Variants in MMRN2 observed in about 807,000 individuals in gnomAD.
The protein encoded by MMRN2 is multimerin-2.
Under a neutral mutation model 68.8 loss-of-function variants are expected in MMRN2, and 53 were observed. The ratio of observed to expected loss-of-function variants is 0.77; its 90% CI spans 0.62 to 0.97. The LOEUF is 0.97. Ranked by LOEUF, MMRN2 falls within the 50% of genes least tolerant of loss-of-function variation. MMRN2 has a pLI of 0.00. For synonymous variants in MMRN2, 564 were observed against 551.6 expected (o/e 1.02, Z -0.32); for missense variants, 1,266 against 1,259.5 (o/e 1.01, Z -0.08).
intron 1 of MMRN2, chr10:86,945,926 A>G: frequency 1.7e-6 from 2 of 1,179,780 alleles, no homozygotes; most frequent in Non-Finnish European, 2.3e-6. Flanking sequence ...TCCCCGAGCC[A>G]GCAGAGAGGC....
chr10:86,939,814 T>G lies in MMRN2; in HGVS notation c.2467+2503A>C, dbSNP rs1162996660. Among the ~76,000 whole-genome samples, 5 of 139,348 alleles carry G rather than the reference T, an allele frequency of 3.6e-5. No individual in the cohort carries two copies. In the East Asian group the frequency reaches 8.7e-4, roughly 24 times the overall value. 91.4% of individuals were successfully genotyped at this position (139,348 alleles called of 152,430 possible). A position where few individuals can be genotyped will look rare whatever the true frequency, so the allele number is the denominator to read the frequency against. ...AATAAAGGGAAATTTGGGGTGTGTGTGTGTGTGTGTGTGTGTGTGTGTGTT... is the reference window on the plus strand; with the variant it reads ...AATAAAGGGAAATTTGGGGTGTGTGGGTGTGTGTGTGTGTGTGTGTGTGTT... On this transcript the variant is annotated intron_variant, in intron 6 of 6. Transcript: ENST00000372027.
At position 86,955,392 on chromosome 10, in the gene MMRN2, C is replaced by T. The variant is rs549211316; in HGVS notation, c.164+1986G>A. On this transcript the variant is annotated intron_variant, in intron 1 of 6. Coordinates refer to ENST00000372027, the MANE Select transcript of MMRN2 (RefSeq NM_024756.3). ...CCCTGGCAACCTAAGAAGCAGTTAA[C>T]CCCTTCGCTTCTCCACCTCAGGGAA... is the stretch of plus-strand genomic sequence containing the variant. Among the ~76,000 whole-genome samples, 63 of 152,334 alleles carry T rather than the reference C, an allele frequency of 4.1e-4. 1 individual carries two copies. The South Asian group carries it at 7.7e-3, about 19-fold the overall frequency.
Position 86,936,859 on chromosome 10 carries a change from C to A in MMRN2, c.2734G>T (p.Ala912Ser). 1 of 1,614,218 alleles carries A rather than the reference C, an allele frequency of 6.2e-7. No individual in the cohort carries two copies. Among genetic ancestry groups the A allele is most frequent in the Non-Finnish European group, 8.5e-7 (1 of 1,180,042 alleles). ...QGSGSTATVF[A>S]MAELQKGERV... ...TCACCCTTCTGCAGCTCAGCCATGG[C>A]AAAGACCGTTGCTGTGCTTCCACTC... is the stretch of plus-strand genomic sequence containing the variant. Residue 912 changes from alanine (A) to serine (S), a missense_variant, in exon 7 of 7, where the codon GCC (alanine) becomes TCC (serine). Physicochemically the swap from Ala to Ser is moderately conservative, Grantham distance 99. Coordinates refer to ENST00000372027, the MANE Select transcript of MMRN2 (RefSeq NM_024756.3).
chr10:86,957,304 G>A (rs1411547481), intron 1 of MMRN2, 74 bp downstream of exon 1: 2 of 1,507,892 alleles, frequency 1.3e-6, no homozygotes, highest in Non-Finnish European at 1.8e-6. Context: ...GTGAGGTCTA[G>A]AGAGGCTCTG....
chr10:86,947,670 C>T (rs930455976), intron 1 of MMRN2, among the ~76,000 whole-genome samples: 1 of 152,048 alleles, frequency 6.6e-6, no homozygotes, highest in African/African-American at 2.4e-5. Flanking sequence ...TGTACCCAGC[C>T]GAGTGACCAT....
In MMRN2 at chr10:86,943,180, G is replaced by A. The variant is rs2133678684; in HGVS notation, c.1604C>T (p.Ala535Val). The A allele has an allele frequency of 2.5e-6, 4 of 1,607,978 alleles. No individual in the cohort carries two copies. Among genetic ancestry groups the A allele is most frequent in the African/African-American group, 2.7e-5 (2 of 74,978 alleles). The change falls in exon 6 of 7, where the codon GCC becomes GTC. Residue 535 changes from alanine (A) to valine (V), a missense_variant. Physicochemically the swap from Ala to Val is moderately conservative, Grantham distance 64. Transcript: ENST00000372027. The surrounding 1 kb of genome is among the most constrained non-coding windows in gnomAD (Gnocchi z 4.2). ...CACGGCGTCCACGGCGTTCTGCAGGGCCTGCAGGGAGGAGCCGTCCAGCTG... is the reference window on the plus strand; with the variant it reads ...CACGGCGTCCACGGCGTTCTGCAGGACCTGCAGGGAGGAGCCGTCCAGCTG... Reference protein sequence around the residue: ...RRQLDGSSLQALQNAVDAVSL... With the variant: ...RRQLDGSSLQVLQNAVDAVSL...
chr10:86,948,919 G>A (rs565608847), intron 1 of MMRN2: 4 of 152,286 alleles, frequency 2.6e-5, no homozygotes, highest in African/African-American at 9.6e-5. Flanking sequence ...TTGCGCCACT[G>A]GACTCCAGCC....
chr10:86,943,111 C>T lies in MMRN2; in HGVS notation c.1673G>A (p.Arg558Gln), dbSNP rs899823811. 2.1e-5 allele frequency: 32 copies of T among 1,494,656 alleles called. No individual in the cohort carries two copies. The highest frequency in any genetic ancestry group is 2.7e-5 in the Non-Finnish European group (30 of 1,129,786). The allele number at this position is 1,494,656 out of a possible 1,614,324, so 92.6% of individuals were successfully genotyped here. A position where few individuals can be genotyped will look rare whatever the true frequency, so the allele number is the denominator to read the frequency against. Residue 558 changes from arginine (R) to glutamine (Q), a missense_variant, in exon 6 of 7, where the codon CGG (arginine) becomes CAG (glutamine). By Grantham distance (43) the Arg-to-Gln change is conservative (BLOSUM62 1). Transcript: ENST00000372027. This position sits in a 1 kb window ranked among gnomAD's most constrained non-coding sequence, Gnocchi z 4.2. ...DAHKAEGERA[R>Q]AATSRLRSQV... ...GCTCCGGAGCCGCGACGTGGCCGCC[C>T]GCGCCCGCTCGCCCTCCGCTTTGTG...
chr10:86,952,970 T>C (rs562520719), intron 1 of MMRN2, among the ~76,000 whole-genome samples: 2 of 152,282 alleles, frequency 1.3e-5, no homozygotes, highest in African/African-American at 4.8e-5. Context: ...TAATATTATA[T>C]TCCTTGCTAG....
chr10:86,955,146 G>A (rs1422027996), intron 1 of MMRN2, among the ~76,000 whole-genome samples: 4 of 152,136 alleles, frequency 2.6e-5, no homozygotes, highest in African/African-American at 7.2e-5. Flanking sequence ...CCTGGGAGGC[G>A]TCCCCACCCC....
At chr10:86,945,710 G>A (rs1589303636) in intron 1 of MMRN2, 21 bp from the exon 2 acceptor site, 1 of 1,613,740 alleles carries the variant, frequency 6.2e-7, no homozygotes, top group African/African-American at 1.3e-5. Context: ...AGCCAGAGGA[G>A]AAGGCTGCTG....
intron 1 of MMRN2, chr10:86,949,409 C>A (rs1844113703): frequency 1.3e-5 from 2 of 151,828 alleles, no homozygotes; most frequent in Admixed American, 1.3e-4. Flanking sequence ...TCAACACCAT[C>A]ATGCAAGCCA....
At chr10:86,957,270 G>T in intron 1 of MMRN2, 108 bp downstream of exon 1, 1 of 1,149,188 alleles carries the variant, frequency 8.7e-7, no homozygotes, top group Non-Finnish European at 1.3e-6. Context: ...GATACTATTA[G>T]CCCATTTCAC....
At position 86,943,438 on chromosome 10, in the gene MMRN2, A is replaced by T; in HGVS notation, c.1346T>A (p.Ile449Asn). ...CATGATCAGAGACTTCTCCATCAGG[A>T]TCACGCGCAGCTCACGGAGCGCCGT... ...NHTALRELRVILMEKSLIMEE... is the reference protein window; with the variant it reads ...NHTALRELRVNLMEKSLIMEE... The change falls in exon 6 of 7, where the codon ATC becomes AAC. Residue 449 changes from isoleucine (I) to asparagine (N), a missense_variant. Ile to Asn is a moderately radical substitution (Grantham distance 149, BLOSUM62 -3). Coordinates refer to ENST00000372027, the MANE Select transcript of MMRN2 (RefSeq NM_024756.3). This position sits in a 1 kb window ranked among gnomAD's most constrained non-coding sequence, Gnocchi z 4.2. 1.9e-6 allele frequency: 3 copies of T among 1,614,058 alleles called. No homozygotes were observed. The highest frequency in any genetic ancestry group is 2.7e-5 in the African/African-American group (2 of 75,020).
At chr10:86,952,119 G>C (rs1243727490) in intron 1 of MMRN2, among the ~76,000 whole-genome samples, 1 of 152,188 alleles carries the variant, frequency 6.6e-6, no homozygotes, top group African/African-American at 2.4e-5. Flanking sequence ...CGACTCCAAA[G>C]CCAAGGAATG....
Position 86,941,826 on chromosome 10 carries a change from AG to A in MMRN2, c.2467+490del, listed in dbSNP as rs1159277371. ...AAAAAAAAAAAAAAAGAAAAGAAAA[AG>A]AAAAAAAAAACAAAAAAAAAACTAA... On this transcript the variant is annotated intron_variant, in intron 6 of 6. Transcript: ENST00000372027. 2.1e-3 allele frequency among the ~76,000 whole-genome samples: 273 copies of A among 133,162 alleles called. 2 individuals are homozygous for A. The highest frequency in any genetic ancestry group is 7.6e-3 in the African/African-American group (267 of 35,284). The allele number at this position is 133,162 out of a possible 152,430, so 87.4% of individuals were successfully genotyped here.
chr10:86,954,822 C>T lies in MMRN2; in HGVS notation c.164+2556G>A, dbSNP rs115391658. ...CTGTTCATACCAAGGGCTCTGTGCC[C>T]GGCAGGGGTCGGGGGTGGGGGTGAG... On this transcript the variant is annotated intron_variant, in intron 1 of 6. Coordinates refer to ENST00000372027, the MANE Select transcript of MMRN2 (RefSeq NM_024756.3). Among the ~76,000 whole-genome samples, 742 of 92,116 alleles carry T rather than the reference C, an allele frequency of 8.1e-3. 8 individuals carry two copies. Among genetic ancestry groups the T allele is most frequent in the African/African-American group, 0.031 (699 of 22,870 alleles). The allele number at this position is 92,116 out of a possible 152,430, so 60.4% of individuals were successfully genotyped here.
intron 6 of MMRN2, among the ~76,000 whole-genome samples, chr10:86,937,380 T>C (rs1843896339): frequency 6.7e-6 from 1 of 149,500 alleles, no homozygotes; most frequent in Non-Finnish European, 1.5e-5. Flanking sequence ...AATACTTTCA[T>C]TTTTTTTTTA....
Position 86,943,055 on chromosome 10 carries a change from C to T in MMRN2, c.1729G>A (p.Ala577Thr). Residue 577 changes from alanine to threonine, a missense_variant, in exon 6 of 7, where the codon GCG (alanine) becomes ACG (threonine). Ala to Thr is a moderately conservative substitution (Grantham distance 58). Coordinates refer to ENST00000372027, the MANE Select transcript of MMRN2 (RefSeq NM_024756.3). This position sits in a 1 kb window ranked among gnomAD's most constrained non-coding sequence, Gnocchi z 4.2. ...QVQALDDEVG[A>T]LKAAAAEARH... ...GCCTCGGCCGCGGCCGCCTTCAGCG[C>T]GCCCACCTCGTCATCCAGCGCCTGC... The T allele has an allele frequency of 1.4e-6, 2 of 1,387,520 alleles. No homozygotes were observed. The highest frequency in any genetic ancestry group is 1.9e-6 in the Non-Finnish European group (2 of 1,077,232). 86.0% of individuals were successfully genotyped at this position (1,387,520 alleles called of 1,614,324 possible). A position where few individuals can be genotyped will look rare whatever the true frequency, so the allele number is the denominator to read the frequency against.
Sources: gnomAD v4.1 joint callset for allele counts (sites outside exome capture counted in the v4.1 genomes callset) on GRCh38, gnomAD v4.1.1 for gene constraint, Gnocchi (gnomAD v3.1) non-coding constraint, MANE v1.5 for transcripts, NCBI Gene and HGNC (gene_info 2026-07-23, HGNC 2026-07-21) for gene names.